MBD2: variants seen among roughly 807,000 people sequenced by gnomAD.
MBD2 encodes methyl-CpG binding domain protein 2.
MBD2 carries 9 observed loss-of-function variants against 39.3 expected under a neutral mutation model. The ratio of observed to expected loss-of-function variants is 0.23; its 90% CI spans 0.14 to 0.40. The LOEUF is 0.40. Among genes scored for constraint, MBD2 ranks in the 10% least tolerant of loss-of-function variants. The pLI, the probability that MBD2 is intolerant of heterozygous loss-of-function variation, is 1.00. For synonymous variants in MBD2, 233 were observed against 211.1 expected (o/e 1.10, Z -0.90); for missense variants, 458 against 532.6 (o/e 0.86, Z 1.38).
chr18:54,204,280 G>A (rs917374151), intron 2 of MBD2, among the ~76,000 whole-genome samples: 1 of 152,188 alleles, frequency 6.6e-6, no homozygotes, highest in African/African-American at 2.4e-5. Context: ...AGTCACATAT[G>A]TTTAGTTGTC....
rs187882978 is a variant in MBD2, at chr18:54,180,415, G to C, written c.840+8459C>G. ...AGAATTATGACAGAAAGGAGTGGCA[G>C]GGCATTACTTACCCTACCCAGAAAA... On this transcript the variant is annotated intron_variant, in intron 3 of 6. Coordinates refer to ENST00000256429, the MANE Select transcript of MBD2 (RefSeq NM_003927.5). Among the ~76,000 whole-genome samples, 26 of 152,188 alleles carry C rather than the reference G, an allele frequency of 1.7e-4. No individual in the cohort carries two copies. The East Asian group carries it at 2.7e-3, about 16-fold the overall frequency.
chr18:54,214,864 C>G (rs2086543595), intron 1 of MBD2, among the ~76,000 whole-genome samples: 1 of 151,886 alleles, frequency 6.6e-6, no homozygotes, highest in Non-Finnish European at 1.5e-5. Flanking sequence ...CTCAGCCTCC[C>G]TAGTAGCTGG....
chr18:54,170,479 C>T (rs904911174), intron 3 of MBD2, among the ~76,000 whole-genome samples: 2 of 152,158 alleles, frequency 1.3e-5, no homozygotes, highest in East Asian at 1.9e-4. Context: ...GGAACCGAGG[C>T]TGATAATGTT....
chr18:54,172,966 C>G (rs1274721649), intron 3 of MBD2, among the ~76,000 whole-genome samples: 1 of 152,196 alleles, frequency 6.6e-6, no homozygotes, highest in African/African-American at 2.4e-5. Context: ...TTTCGTTTCA[C>G]CTGTGGCTTG....
intron 1 of MBD2, among the ~76,000 whole-genome samples, chr18:54,209,650 G>T (rs986139337): frequency 6.6e-6 from 1 of 152,138 alleles, no homozygotes; most frequent in African/African-American, 2.4e-5. Flanking sequence ...CTGCCCCAGG[G>T]GATTTTAGGC....
chr18:54,179,601 G>A (rs2086235414), intron 3 of MBD2, among the ~76,000 whole-genome samples: 1 of 152,050 alleles, frequency 6.6e-6, no homozygotes, highest in South Asian at 2.1e-4. Flanking sequence ...CAATCAATAT[G>A]ATACACTTTA....
Position 54,188,906 on chromosome 18 carries a change from C to T in MBD2, c.808G>A (p.Asp270Asn), listed in dbSNP as rs2086300873. ...TNHPSNKVKS[D>N]PQRMNEQPRQ... ...GGCTGTTCATTCATTCGTTGTGGGT[C>T]TGATTTCACTTTATTACTAGGATGA... The change falls in exon 3 of 7, where the codon GAC becomes AAC. Residue 270 changes from aspartate to asparagine, a missense_variant. By Grantham distance (23) the Asp-to-Asn change is conservative. Transcript: ENST00000256429. 1.2e-6 allele frequency: 2 copies of T among 1,607,936 alleles called. No homozygotes were observed. Among genetic ancestry groups the T allele is most frequent in the Admixed American group, 1.7e-5 (1 of 59,938 alleles).
intron 5 of MBD2, among the ~76,000 whole-genome samples, chr18:54,163,360 T>C (rs2086109855): frequency 1.3e-5 from 2 of 152,162 alleles, no homozygotes; most frequent in South Asian, 2.1e-4. Context: ...CTAGGAATAA[T>C]ACTCAAATTA....
rs1255313911 is a variant in MBD2 at position 54,151,946 on chromosome 18, C to T, written c.*3378G>A. 6.6e-6 allele frequency: 1 copy of T among 151,882 alleles called. No individual in the cohort carries two copies. Among genetic ancestry groups the T allele is most frequent in the Non-Finnish European group, 1.5e-5 (1 of 67,994 alleles). 9.4% of individuals were successfully genotyped at this position (151,882 alleles called of 1,614,324 possible). A position where few individuals can be genotyped will look rare whatever the true frequency, so the allele number is the denominator to read the frequency against. The stretch of plus-strand genomic sequence containing the variant: ...ACTCTTGTTCATTCACAGATTCATT[C>T]AACAAATATTTAATGACAAGCTATT... On this transcript the variant is annotated 3_prime_UTR_variant, in exon 7 of 7. Coordinates refer to ENST00000256429, the MANE Select transcript of MBD2 (RefSeq NM_003927.5).
intron 2 of MBD2, among the ~76,000 whole-genome samples, chr18:54,191,844 A>G (rs1177422662): frequency 6.6e-6 from 1 of 152,186 alleles, no homozygotes; most frequent in Non-Finnish European, 1.5e-5. Context: ...CTTACCTTTA[A>G]AAGATATGCT....
chr18:54,169,031 C>T (rs1031042894), intron 3 of MBD2, among the ~76,000 whole-genome samples: 2 of 152,102 alleles, frequency 1.3e-5, no homozygotes, highest in African/African-American at 2.4e-5. Context: ...GTCTTTCCCA[C>T]TCTGTGTGAT....
intron 5 of MBD2, among the ~76,000 whole-genome samples, chr18:54,162,804 C>T (rs939331892): frequency 6.6e-6 from 1 of 152,166 alleles, no homozygotes; most frequent in Admixed American, 6.5e-5. Context: ...TAAGAAACTT[C>T]ATTCATATTC....
At chr18:54,211,419 A>G (rs1185927869) in intron 1 of MBD2, among the ~76,000 whole-genome samples, 1 of 150,664 alleles carries the variant, frequency 6.6e-6, no homozygotes, top group African/African-American at 2.4e-5. Flanking sequence ...ACACACGCAC[A>G]CACGCAAGCA....
In MBD2 at chr18:54,152,306, G is replaced by A. The variant is rs1418695666; in HGVS notation, c.*3018C>T. 2.0e-5 allele frequency: 3 copies of A among 152,262 alleles called. No individual in the cohort carries two copies. Among genetic ancestry groups the A allele is most frequent in the African/African-American group, 7.2e-5 (3 of 41,436 alleles). 9.4% of individuals were successfully genotyped at this position (152,262 alleles called of 1,614,324 possible). A position where few individuals can be genotyped will look rare whatever the true frequency, so the allele number is the denominator to read the frequency against. On this transcript the variant is annotated 3_prime_UTR_variant, in exon 7 of 7. Coordinates refer to ENST00000256429, the MANE Select transcript of MBD2 (RefSeq NM_003927.5). ...CAGGTACAAAGACACAGAGGCCCAA[G>A]GGGCACTTCAAAGAAGCAAGTAAAG...
intron 2 of MBD2, among the ~76,000 whole-genome samples, chr18:54,193,274 A>C (rs1403908783): frequency 6.6e-6 from 1 of 152,234 alleles, no homozygotes; most frequent in Non-Finnish European, 1.5e-5. Flanking sequence ...ATGGGACAAG[A>C]TTAAAGCTGT....
chr18:54,218,559 T>A (rs771392326), intron 1 of MBD2, among the ~76,000 whole-genome samples: 6 of 152,158 alleles, frequency 3.9e-5, no homozygotes, highest in Non-Finnish European at 7.3e-5. Flanking sequence ...CAGCTTCAGG[T>A]TGTATCTTTG....
chr18:54,203,987 GA>G (rs2086429341), intron 2 of MBD2, among the ~76,000 whole-genome samples: 1 of 152,212 alleles, frequency 6.6e-6, no homozygotes, highest in Non-Finnish European at 1.5e-5. Flanking sequence ...TGGAGCCTAA[GA>G]AAGTTTCTCA....
At chr18:54,166,472 G>T (rs1453819933) in intron 3 of MBD2, among the ~76,000 whole-genome samples, 1 of 152,032 alleles carries the variant, frequency 6.6e-6, no homozygotes, top group African/African-American at 2.4e-5. Flanking sequence ...AAAATAATTT[G>T]AATTTTTTAA....
At chr18:54,197,982 A>G (rs1436512191) in intron 2 of MBD2, among the ~76,000 whole-genome samples, 1 of 152,246 alleles carries the variant, frequency 6.6e-6, no homozygotes, top group Non-Finnish European at 1.5e-5. Context: ...CAAGACTTTA[A>G]TAACTGACAA....
Sources: allele counts gnomAD v4.1 joint callset (sites outside exome capture counted in the v4.1 genomes callset), GRCh38; gene constraint gnomAD v4.1.1; transcripts MANE v1.5; gene names NCBI Gene and HGNC (gene_info 2026-07-23, HGNC 2026-07-21).